Variants in IFI44 observed in about 807,000 individuals in gnomAD.
The protein encoded by IFI44 is interferon induced protein 44.
In IFI44, 42 loss-of-function variants were observed where a neutral mutation model predicts 45.0. The observed-to-expected ratio is 0.93, with a 90% CI of 0.73 to 1.21. The LOEUF (loss-of-function observed/expected upper bound fraction) is 1.21, where lower values mean the gene tolerates loss of function less well. Ranked by LOEUF, IFI44 falls within the 50% of genes most tolerant of loss-of-function variation. The pLI, the probability that IFI44 is intolerant of heterozygous loss-of-function variation, is 0.00. For synonymous variants in IFI44, 221 were observed against 188.6 expected, an observed-to-expected ratio of 1.17 and a Z score of -1.41; for missense variants, 623 against 525.8, an observed-to-expected ratio of 1.18 and a Z score of -1.81.
chr1:78,658,608 A>G (rs1489905176), intron 5 of IFI44, among the ~76,000 whole-genome samples: 1 of 152,174 alleles, frequency 6.6e-6, no homozygotes, highest in African/African-American at 2.4e-5. Context: ...TGTATAGTCA[A>G]AGAATCTATC....
rs561082518 is a variant in IFI44 at position 78,654,874 on chromosome 1, T to C, written c.495-140T>C. On this transcript the variant is annotated intron_variant, in intron 3 of 8. Coordinates refer to ENST00000370747, the MANE Select transcript of IFI44 (RefSeq NM_006417.5). ...TTTTTGCAATAGGATTTCAGGTAGG[T>C]TCGTCTCATGTCTTTCATGTAAGAA... 81 of 586,046 alleles carry C rather than the reference T, an allele frequency of 1.4e-4. No individual in the cohort carries two copies. The East Asian group carries it at 2.5e-3, about 18-fold the overall frequency. The allele number at this position is 586,046 out of a possible 1,614,324, so 36.3% of individuals were successfully genotyped here.
rs764421069 is a variant in IFI44, at chr1:78,659,402, T to C, written c.931T>C (p.Phe311Leu). The C allele has an allele frequency of 6.2e-7, 1 of 1,612,512 alleles. No homozygotes were observed. Among genetic ancestry groups the C allele is most frequent in the South Asian group, 1.1e-5 (1 of 91,042 alleles). Residue 311 changes from phenylalanine (F) to leucine (L), a missense_variant, in exon 6 of 9, where the codon TTT (phenylalanine) becomes CTT (leucine). Coordinates refer to ENST00000370747, the MANE Select transcript of IFI44 (RefSeq NM_006417.5). ...KDRIHCVAFV[F>L]DASSIQYFSS... is the part of the protein sequence containing the mutation. ...CAGAATTCATTGTGTGGCATTTGTATTTGATGCCAGCTCTATTCAATACTT... is the reference window on the plus strand; with the variant it reads ...CAGAATTCATTGTGTGGCATTTGTACTTGATGCCAGCTCTATTCAATACTT...
chr1:78,656,670 G>T (rs950964591), intron 5 of IFI44, among the ~76,000 whole-genome samples: 4 of 150,388 alleles, frequency 2.7e-5, no homozygotes, highest in Admixed American at 6.6e-5. Context: ...GAGGTTTTTT[G>T]TGCTTTGTTT....
At chr1:78,657,180 T>C (rs2100457825) in intron 5 of IFI44, among the ~76,000 whole-genome samples, 1 of 152,206 alleles carries the variant, frequency 6.6e-6, no homozygotes, top group South Asian at 2.1e-4. Flanking sequence ...CAAATACAAC[T>C]CAATGTTCAA....
rs1647622426 is a variant in IFI44 at position 78,663,993 on chromosome 1, A to G, written c.*182A>G. The G allele has an allele frequency of 2.4e-6, 1 of 423,520 alleles. No homozygotes were observed. The highest frequency in any genetic ancestry group is 4.1e-6 in the Non-Finnish European group (1 of 245,336). The allele number at this position is 423,520 out of a possible 1,614,324, so 26.2% of individuals were successfully genotyped here. ...TAACTAGAAATAACATGATTTAGTC[A>G]TAATTGTGAAAAATAATAATAATTT... On this transcript the variant is annotated 3_prime_UTR_variant, in exon 9 of 9. Coordinates refer to ENST00000370747, the MANE Select transcript of IFI44 (RefSeq NM_006417.5).
At chr1:78,655,663 G>A in intron 5 of IFI44, 152 bp downstream of exon 5, 1 of 646,374 alleles carries the variant, frequency 1.5e-6, no homozygotes, top group Non-Finnish European at 2.5e-6. Flanking sequence ...ACATCTCGAG[G>A]GCTCTTCCAT....
rs1428257480 is a variant in IFI44, at chr1:78,663,802, A to G, written c.1326A>G (p.Gly442=). The change falls in exon 9 of 9, where the codon GGA becomes GGG. Residue 442 remains glycine (G), a synonymous_variant. Transcript: ENST00000370747. The part of the protein sequence containing the change: ...LREEIINCAQ[G]KK Reference sequence around the variant, plus strand: ...AGGAAATTATCAACTGTGCACAAGGAAAAAAATAGATATGTGAAAGGTTCA... The same window carrying G: ...AGGAAATTATCAACTGTGCACAAGGGAAAAAATAGATATGTGAAAGGTTCA... The G allele has an allele frequency of 2.5e-6, 4 of 1,610,954 alleles. No individual in the cohort carries two copies. The South Asian group carries it at 3.3e-5, about 13-fold the overall frequency.
chr1:78,659,234 C>A, intron 5 of IFI44, 78 bp from the exon 6 acceptor site: 1 of 1,184,744 alleles, frequency 8.4e-7, no homozygotes, highest in Non-Finnish European at 1.2e-6. Flanking sequence ...ATTTGATTCA[C>A]TTGCACAGTG....
intron 8 of IFI44, 80 bp downstream of exon 8, chr1:78,662,958 C>T (rs774047893): frequency 1.2e-6 from 2 of 1,608,606 alleles, no homozygotes; most frequent in East Asian, 2.2e-5. Flanking sequence ...AAATACCTGG[C>T]AGCTCTCTGT....
Position 78,650,262 on chromosome 1 carries a change from C to A in IFI44, c.67C>A (p.Arg23=), listed in dbSNP as rs778811769. 6.2e-7 allele frequency: 1 copy of A among 1,611,834 alleles called. No individual in the cohort carries two copies. Among genetic ancestry groups the A allele is most frequent in the Non-Finnish European group, 8.5e-7 (1 of 1,178,440 alleles). ...CCTGCAAAATCATTTTGGAGGGAAG[C>A]GGCTTAGCCTTCTCTATAAGGGTAG... ...KILQNHFGGK[R]LSLLYKGSVH... The change falls in exon 2 of 9, where the codon CGG becomes AGG. Residue 23 remains arginine, a synonymous_variant. Transcript: ENST00000370747.
chr1:78,649,949 C>T, intron 1 of IFI44, 44 bp downstream of exon 1: 1 of 344,166 alleles, frequency 2.9e-6, no homozygotes. Context: ...TAGCATTAGT[C>T]TCTCTCTGTC....
At chr1:78,659,561 A>T in intron 6 of IFI44, 78 bp downstream of exon 6, 2 of 1,181,340 alleles carry the variant, frequency 1.7e-6, no homozygotes, top group Middle Eastern at 4.0e-4. Flanking sequence ...TGCTTTTTGG[A>T]CAGGATAAAG....
chr1:78,662,617 C>G (rs1647527543), intron 7 of IFI44, 87 bp from the exon 8 acceptor site: 1 of 1,036,040 alleles, frequency 9.7e-7, no homozygotes, highest in Admixed American at 2.4e-5. Flanking sequence ...CAAGTTCCTA[C>G]ATCTTGATAT....
At chr1:78,661,739 G>T (rs1647468907) in intron 7 of IFI44, among the ~76,000 whole-genome samples, 1 of 152,122 alleles carries the variant, frequency 6.6e-6, no homozygotes, top group Admixed American at 6.6e-5. Flanking sequence ...GGAAAGTATA[G>T]TGTTAAAGGG....
At chr1:78,653,768 A>G (rs1647160275) in intron 2 of IFI44, among the ~76,000 whole-genome samples, 1 of 152,180 alleles carries the variant, frequency 6.6e-6, no homozygotes, top group Non-Finnish European at 1.5e-5. Context: ...TGTTAATAGC[A>G]GGTTGTAGAG....
chr1:78,652,748 G>T (rs1006431672), intron 2 of IFI44, among the ~76,000 whole-genome samples: 2 of 152,154 alleles, frequency 1.3e-5, no homozygotes, highest in African/African-American at 2.4e-5. Context: ...CCAGTTTGGG[G>T]CTATTACAAA....
chr1:78,650,676 T>A, intron 2 of IFI44, 24 bp downstream of exon 2: 1 of 1,431,048 alleles, frequency 7.0e-7, no homozygotes, highest in Non-Finnish European at 9.5e-7. Flanking sequence ...GATAATCCTG[T>A]AGAGAGTTCT....
In IFI44 at chr1:78,655,409, G is replaced by A. The variant is rs781243337; in HGVS notation, c.738G>A (p.Pro246=). 8.0e-5 allele frequency: 129 copies of A among 1,613,714 alleles called. 1 individual carries two copies. In the Admixed American group the frequency reaches 1.1e-3, roughly 14 times the overall value. Residue 246 remains proline, a synonymous_variant, in exon 5 of 9, where the codon CCG becomes CCA. Transcript: ENST00000370747. ...IRDGKDGKYL[P]FILCDSLGLS... is the part of the protein sequence containing the mutation. Reference sequence around the variant, plus strand: ...ACGGGAAAGATGGCAAATACCTGCCGTTTATTCTGTGTGACTCACTGGGGC... The same window carrying A: ...ACGGGAAAGATGGCAAATACCTGCCATTTATTCTGTGTGACTCACTGGGGC...
In IFI44 at chr1:78,659,497, C is replaced by T. The variant is rs1443810121; in HGVS notation, c.1012+14C>T. The stretch of plus-strand genomic sequence containing the variant: ...TGGTAAACGCTGGTGAGTCTCATTC[C>T]ACTTTGCTAAGGGTAATACCACTAA... On this transcript the variant is annotated intron_variant, in intron 6 of 8. Coordinates refer to ENST00000370747, the MANE Select transcript of IFI44 (RefSeq NM_006417.5). 1.2e-6 allele frequency: 2 copies of T among 1,603,708 alleles called. No individual in the cohort carries two copies. Among genetic ancestry groups the T allele is most frequent in the African/African-American group, 1.3e-5 (1 of 74,738 alleles).
Sources: gnomAD v4.1 joint callset for allele counts (sites outside exome capture counted in the v4.1 genomes callset) on GRCh38, gnomAD v4.1.1 for gene constraint, MANE v1.5 for transcripts, NCBI Gene and HGNC (gene_info 2026-07-23, HGNC 2026-07-21) for gene names.